Variants in TIPIN observed in about 807,000 individuals in gnomAD.
TIPIN encodes TIMELESS interacting protein.
Under a neutral mutation model 35.6 loss-of-function variants are expected in TIPIN, and 29 were observed. The ratio of observed to expected loss-of-function variants is 0.82; its 90% CI spans 0.61 to 1.11. The LOEUF (loss-of-function observed/expected upper bound fraction) is 1.11, where lower values mean the gene tolerates loss of function less well. Ranked by LOEUF, TIPIN falls within the 50% of genes most tolerant of loss-of-function variation. The pLI is 0.00. For missense variants in TIPIN, 296 were observed against 345.4 expected (o/e 0.86, Z 1.13); for synonymous variants, 102 against 121.5 (o/e 0.84, Z 1.06).
rs1371625266 is a variant in TIPIN at position 66,341,455 on chromosome 15, A to G, written c.476-99T>C. On this transcript the variant is annotated intron_variant, in intron 6 of 7. Coordinates refer to ENST00000261881, the MANE Select transcript of TIPIN (RefSeq NM_017858.3). ...TAAAGTGGCAAGGTGACAGACCTGA[A>G]AAAACAATTTGTGAAGTATAAGAAT... The G allele has an allele frequency of 4.3e-5, 44 of 1,014,976 alleles. No individual in the cohort carries two copies. The South Asian group carries it at 5.5e-4, about 13-fold the overall frequency. 62.9% of individuals were successfully genotyped at this position (1,014,976 alleles called of 1,614,324 possible).
Position 66,352,169 on chromosome 15 carries a change from T to C in TIPIN, c.172A>G (p.Arg58Gly). 6.2e-7 allele frequency: 1 copy of C among 1,611,342 alleles called. No individual in the cohort carries two copies. Among genetic ancestry groups the C allele is most frequent in the Non-Finnish European group, 8.5e-7 (1 of 1,178,654 alleles). Residue 58 changes from arginine to glycine, a missense_variant, in exon 3 of 8, where the codon AGA becomes GGA. Arg to Gly is a moderately radical substitution (Grantham distance 125). Transcript: ENST00000261881. ...NGAPVRVPPK[R>G]TVKRNIPKLD... ...TTGGGTATATTTCTTTTAACTGTTCTCTTTGGAGGTACACGAACAGGTGCT... is the reference window on the plus strand; with the variant it reads ...TTGGGTATATTTCTTTTAACTGTTCCCTTTGGAGGTACACGAACAGGTGCT...
At chr15:66,356,537 C>G (rs1221115430) in intron 1 of TIPIN, 102 bp downstream of exon 1, 1 of 912,768 alleles carries the variant, frequency 1.1e-6, no homozygotes, top group African/African-American at 1.8e-5. Context: ...TTAGGCTTTC[C>G]CGCTAGTCTG....
At position 66,341,142 on chromosome 15, in the gene TIPIN, A is replaced by G. The variant is rs1314997203; in HGVS notation, c.682+8T>C. On this transcript the variant is annotated splice_region_variant and intron_variant, in intron 7 of 7. Coordinates refer to ENST00000261881, the MANE Select transcript of TIPIN (RefSeq NM_017858.3). ...ATGGTAGCATATAAAATTTGGCATA[A>G]AATTTACCATTTCCTAGGGTCTGAC... 1 of 1,608,718 alleles carries G rather than the reference A, an allele frequency of 6.2e-7. No individual in the cohort carries two copies. Among genetic ancestry groups the G allele is most frequent in the Non-Finnish European group, 8.5e-7 (1 of 1,179,028 alleles).
chr15:66,356,753 C>G (rs1447560751), upstream of TIPIN: 1 of 985,050 alleles, frequency 1.0e-6, no homozygotes, highest in African/African-American at 1.7e-5. Context: ...GGCGCCAAAT[C>G]CGTGCGGGGG....
intron 1 of TIPIN, chr15:66,383,557 A>G (rs2093325559): frequency 5.1e-6 from 5 of 984,610 alleles, no homozygotes; most frequent in Middle Eastern, 5.2e-4. Flanking sequence ...AGCCACCACC[A>G]CACCTGGCCT....
intron 6 of TIPIN, chr15:66,348,153 G>A (rs1040283482): frequency 6.6e-6 from 1 of 151,658 alleles, no homozygotes; most frequent in Admixed American, 6.6e-5. Flanking sequence ...CAACAGGCAT[G>A]TGCCACCACA....
At chr15:66,384,036 G>A (rs1014166640) in intron 1 of TIPIN, among the ~76,000 whole-genome samples, 26 of 151,474 alleles carry the variant, frequency 1.7e-4, no homozygotes, top group African/African-American at 6.1e-4. Flanking sequence ...TTGTTCTGTC[G>A]CCCAGGCTGG....
chr15:66,372,368 T>C (rs969165382), intron 1 of TIPIN, among the ~76,000 whole-genome samples: 1 of 152,188 alleles, frequency 6.6e-6, no homozygotes, highest in African/African-American at 2.4e-5. Context: ...AGGATGTTTG[T>C]GAGATTTACG....
At chr15:66,384,623 T>C (rs1239422336) in intron 1 of TIPIN, among the ~76,000 whole-genome samples, 1 of 151,876 alleles carries the variant, frequency 6.6e-6, no homozygotes, top group Non-Finnish European at 1.5e-5. Flanking sequence ...TAAAAAACTA[T>C]GAGTTCAGGC....
At chr15:66,378,681 A>C (rs544943081) in intron 1 of TIPIN, among the ~76,000 whole-genome samples, 2 of 151,302 alleles carry the variant, frequency 1.3e-5, no homozygotes, top group Non-Finnish European at 2.9e-5. Flanking sequence ...CCATGATCTT[A>C]TCTAGCTTCT....
At chr15:66,338,936 C>T (rs962644187) in intron 7 of TIPIN, among the ~76,000 whole-genome samples, 43 of 150,428 alleles carry the variant, frequency 2.9e-4, no homozygotes, top group Non-Finnish European at 5.6e-4. Context: ...TTCAAGACCA[C>T]CCTGGCCAAC....
intron 1 of TIPIN, among the ~76,000 whole-genome samples, chr15:66,377,798 T>C (rs2093302982): frequency 6.6e-6 from 1 of 152,024 alleles, no homozygotes; most frequent in Non-Finnish European, 1.5e-5. Flanking sequence ...TGCCTCAGAC[T>C]CCCGAGTAGC....
intron 1 of TIPIN, among the ~76,000 whole-genome samples, chr15:66,374,102 T>A (rs1191288235): frequency 6.6e-6 from 1 of 152,086 alleles, no homozygotes; most frequent in African/African-American, 2.4e-5. Context: ...CTATTTAGAT[T>A]GTTTTAATTT....
chr15:66,369,423 A>C (rs1376897582), intron 1 of TIPIN, among the ~76,000 whole-genome samples: 5 of 133,734 alleles, frequency 3.7e-5, no homozygotes, highest in African/African-American at 1.4e-4. Context: ...ATCTTGGCTC[A>C]CTGCAAGCTC....
chr15:66,382,232 T>C (rs896677725), intron 1 of TIPIN: 2 of 434,312 alleles, frequency 4.6e-6, no homozygotes, highest in Non-Finnish European at 6.1e-6. Context: ...TATAGGTAAA[T>C]TAACTGATGC....
At chr15:66,363,497 C>T (rs192038783) in intron 1 of TIPIN, among the ~76,000 whole-genome samples, 1 of 149,646 alleles carries the variant, frequency 6.7e-6, no homozygotes, top group East Asian at 2.0e-4. Flanking sequence ...AAAAAATTAG[C>T]TGGGCGTGGT....
chr15:66,344,585 T>G (rs1192728371), intron 6 of TIPIN, among the ~76,000 whole-genome samples: 1 of 150,576 alleles, frequency 6.6e-6, no homozygotes, highest in Non-Finnish European at 1.5e-5. Context: ...GTGCAGCAGC[T>G]CACGCCTATA....
intron 1 of TIPIN, among the ~76,000 whole-genome samples, chr15:66,355,540 G>C (rs950999332): frequency 6.6e-6 from 1 of 151,560 alleles, no homozygotes; most frequent in Non-Finnish European, 1.5e-5. Context: ...ATGAGGTCAG[G>C]AGTTCGAGAC....
At chr15:66,354,384 G>C (rs2093189814) in intron 1 of TIPIN, among the ~76,000 whole-genome samples, 1 of 152,116 alleles carries the variant, frequency 6.6e-6, no homozygotes, top group Admixed American at 6.6e-5. Flanking sequence ...CTATCCCACA[G>C]ATCCTGCCCA....
Sources: allele counts gnomAD v4.1 joint callset (sites outside exome capture counted in the v4.1 genomes callset), GRCh38; gene constraint gnomAD v4.1.1; transcripts MANE v1.5; gene names NCBI Gene and HGNC (gene_info 2026-07-23, HGNC 2026-07-21).